The following PCDHGA3 variants were observed in gnomAD, a reference collection of about 807,000 sequenced individuals.
The protein encoded by PCDHGA3 is protocadherin gamma-A3.
Under a neutral mutation model 58.5 loss-of-function variants are expected in PCDHGA3, and 40 were observed. The observed-to-expected ratio is 0.68, with a 90% CI of 0.53 to 0.89. The LOEUF (loss-of-function observed/expected upper bound fraction) is 0.89. Among genes scored for constraint, PCDHGA3 ranks in the 40% least tolerant of loss-of-function variants. The probability of loss-of-function intolerance (pLI) is 0.00; values close to 1 mark genes in which losing one functional copy is unlikely to be tolerated. For missense variants in PCDHGA3, 1,223 were observed against 1,195.9 expected, an observed-to-expected ratio of 1.02 and a Z score of -0.33; for synonymous variants, 530 against 525.7, an observed-to-expected ratio of 1.01 and a Z score of -0.11.
chr5:141,361,767 C>G, intron 1 of PCDHGA3: 1 of 1,613,142 alleles, frequency 6.2e-7, no homozygotes. Context: ...CGCTCAGCGC[C>G]AACGTGAGCC....
At position 141,406,249 on chromosome 5, in the gene PCDHGA3, G is replaced by A. The variant is rs73279090; in HGVS notation, c.2424+59792G>A. Among the ~76,000 whole-genome samples, 1,262 of 152,022 alleles carry A rather than the reference G, an allele frequency of 8.3e-3. 17 individuals are homozygous for A. The highest frequency in any genetic ancestry group is 0.029 in the African/African-American group (1,198 of 41,452). On this transcript the variant is annotated intron_variant, in intron 1 of 3. Coordinates refer to ENST00000253812, the MANE Select transcript of PCDHGA3 (RefSeq NM_018916.4). ...CTAGCAAGCTATGTTGCCCAGACTG[G>A]TCTCAAACGATCTTCCTGCTTCAGT...
At chr5:141,423,237 C>A in intron 1 of PCDHGA3, 1 of 1,613,916 alleles carries the variant, frequency 6.2e-7, no homozygotes, top group Non-Finnish European at 8.5e-7. Context: ...ACAGCATCCC[C>A]GAAGTCCTGG....
At position 141,345,707 on chromosome 5, in the gene PCDHGA3, C is replaced by A. The variant is rs200612120; in HGVS notation, c.1674C>A (p.Asn558Lys). Residue 558 changes from asparagine to lysine, a missense_variant, in exon 1 of 4, where the codon AAC (asparagine) becomes AAA (lysine). This residue lies in a region of PCDHGA3 where 791 missense variants were observed against 708.5 expected (regional missense o/e 1.12). Transcript: ENST00000253812. Reference sequence around the variant, plus strand: ...TGTTCGTGCTGGACCAGAACGACAACGCGCCCGAGATCCTGTACCCCGCCC... The same window carrying A: ...TGTTCGTGCTGGACCAGAACGACAAAGCGCCCGAGATCCTGTACCCCGCCC... ...LNLFVLDQND[N>K]APEILYPALP... 5.0e-6 allele frequency: 8 copies of A among 1,614,116 alleles called. No individual in the cohort carries two copies. In the African/African-American group the frequency reaches 8.0e-5, roughly 16 times the overall value.
chr5:141,365,707 C>T, intron 1 of PCDHGA3: 1 of 1,613,728 alleles, frequency 6.2e-7, no homozygotes, highest in Non-Finnish European at 8.5e-7. Flanking sequence ...CCTACTCCAC[C>T]TCTGTCACAG....
At chr5:141,423,470 A>G in intron 1 of PCDHGA3, 1 of 1,614,002 alleles carries the variant, frequency 6.2e-7, no homozygotes, top group Non-Finnish European at 8.5e-7. Context: ...GACGGGGTAC[A>G]GGCTTTCCTG....
Position 141,409,996 on chromosome 5 carries a change from G to C in PCDHGA3, c.2424+63539G>C, listed in dbSNP as rs1561724976. 8.7e-6 allele frequency: 14 copies of C among 1,613,014 alleles called. No homozygotes were observed. The Admixed American group carries it at 1.8e-4, about 21-fold the overall frequency. On this transcript the variant is annotated intron_variant, in intron 1 of 3. Transcript: ENST00000253812. ...AGGTGGTAGCGGTGGACGCCGACTC[G>C]GGACACAACGCCTGGCTGTCCTACC...
chr5:141,450,470 A>AGTTT (rs199699353), intron 1 of PCDHGA3, among the ~76,000 whole-genome samples: 2,037 of 151,800 alleles, frequency 0.013, 39 homozygotes, highest in African/African-American at 0.044. Flanking sequence ...TTATATATAG[A>AGTTT]GTTTGTTTGT....
chr5:141,355,630 G>A lies in PCDHGA3; in HGVS notation c.2424+9173G>A, dbSNP rs189922397. Reference sequence around the variant, plus strand: ...AGAACAGAGGGAAATAAAAGTTGCTGAAAATGAAAATCCTGGGGCAAGATT... The same window carrying A: ...AGAACAGAGGGAAATAAAAGTTGCTAAAAATGAAAATCCTGGGGCAAGATT... On this transcript the variant is annotated intron_variant, in intron 1 of 3. Coordinates refer to ENST00000253812, the MANE Select transcript of PCDHGA3 (RefSeq NM_018916.4). The A allele has an allele frequency of 1.9e-6, 3 of 1,613,990 alleles. No homozygotes were observed. In the Admixed American group the frequency reaches 5.0e-5, roughly 27 times the overall value.
At chr5:141,426,814 T>C (rs2096962370) in intron 1 of PCDHGA3, 1 of 456,592 alleles carries the variant, frequency 2.2e-6, no homozygotes, top group Admixed American at 2.3e-5. Flanking sequence ...AATGAACATT[T>C]CTCTCTGATG....
chr5:141,352,027 G>C (rs764316289), intron 1 of PCDHGA3: 39 of 1,609,132 alleles, frequency 2.4e-5, no homozygotes, highest in Middle Eastern at 2.0e-4. Flanking sequence ...AGGTGGTGGC[G>C]GTGGACGCAG....
Position 141,389,842 on chromosome 5 carries a change from C to G in PCDHGA3, c.2424+43385C>G, listed in dbSNP as rs779733638. The G allele has an allele frequency of 3.7e-6, 6 of 1,613,900 alleles. No individual in the cohort carries two copies. In the Admixed American group the frequency reaches 8.3e-5, roughly 22 times the overall value. ...CGTGACGGTGGACAGCCACCACTCT[C>G]GGCCACTGCCACGTTGCACCTGGTC... On this transcript the variant is annotated intron_variant, in intron 1 of 3. Coordinates refer to ENST00000253812, the MANE Select transcript of PCDHGA3 (RefSeq NM_018916.4).
intron 1 of PCDHGA3, among the ~76,000 whole-genome samples, chr5:141,472,815 C>T (rs1562036829): frequency 1.3e-5 from 2 of 151,596 alleles, no homozygotes; most frequent in East Asian, 1.9e-4. Flanking sequence ...GAGAAACCCC[C>T]GTCTCTACTA....
intron 1 of PCDHGA3, chr5:141,389,474 G>A (rs1476860129): frequency 1.2e-6 from 2 of 1,613,168 alleles, no homozygotes; most frequent in East Asian, 2.2e-5. Flanking sequence ...AACTCACACT[G>A]CAGGCCCGCG....
chr5:141,396,570 C>T (rs996384369), intron 1 of PCDHGA3: 5 of 150,662 alleles, frequency 3.3e-5, no homozygotes, highest in African/African-American at 1.2e-4. Flanking sequence ...CAGTGAGCCT[C>T]GATCCTGTCA....
At chr5:141,417,900 G>T (rs563876979) in intron 1 of PCDHGA3, 1 of 1,583,452 alleles carries the variant, frequency 6.3e-7, no homozygotes, top group African/African-American at 1.3e-5. Flanking sequence ...GCCGGCCCGC[G>T]GCAGGTACTA....
At position 141,361,648 on chromosome 5, in the gene PCDHGA3, G is replaced by C. The variant is rs1364656645; in HGVS notation, c.2424+15191G>C. 10 of 1,613,678 alleles carry C rather than the reference G, an allele frequency of 6.2e-6. No individual in the cohort carries two copies. Among genetic ancestry groups the C allele is most frequent in the Admixed American group, 5.0e-5 (3 of 60,014 alleles). ...GAAGCCGCGGGAGATTTTATCCTAC[G>C]TGTCCGTGAGCGCGCAGAGCGGGGT... On this transcript the variant is annotated intron_variant, in intron 1 of 3. Coordinates refer to ENST00000253812, the MANE Select transcript of PCDHGA3 (RefSeq NM_018916.4).
At chr5:141,403,267 C>A in intron 1 of PCDHGA3, 1 of 1,613,888 alleles carries the variant, frequency 6.2e-7, no homozygotes, top group Non-Finnish European at 8.5e-7. Context: ...GTCTGGTGAA[C>A]TTTAAAGTCC....
chr5:141,407,169 G>A (rs946090447), intron 1 of PCDHGA3, among the ~76,000 whole-genome samples: 3 of 152,146 alleles, frequency 2.0e-5, no homozygotes, highest in Non-Finnish European at 4.4e-5. Flanking sequence ...AATCCTTTAT[G>A]ACATACAGAC....
At chr5:141,407,179 C>T (rs566759065) in intron 1 of PCDHGA3, among the ~76,000 whole-genome samples, 2 of 152,256 alleles carry the variant, frequency 1.3e-5, no homozygotes, top group South Asian at 2.1e-4. Context: ...GACATACAGA[C>T]ATTTTAATTA....
Sources: gnomAD v4.1 joint callset for allele counts (sites outside exome capture counted in the v4.1 genomes callset) on GRCh38, gnomAD v4.1.1 for gene constraint, gnomAD v4.1.1 regional missense constraint, MANE v1.5 for transcripts, NCBI Gene and HGNC (gene_info 2026-07-23, HGNC 2026-07-21) for gene names.